ADGRD1: variants seen among roughly 807,000 people sequenced by gnomAD.
The protein encoded by ADGRD1 is G-protein coupled receptor 133.
ADGRD1 carries 77 observed loss-of-function variants against 113.4 expected under a neutral mutation model. The ratio of observed to expected loss-of-function variants is 0.68; its 90% CI spans 0.57 to 0.82. The LOEUF (loss-of-function observed/expected upper bound fraction) is 0.82, where lower values mean the gene tolerates loss of function less well. Ranked by LOEUF, ADGRD1 falls within the 40% of genes least tolerant of loss-of-function variation. The probability of loss-of-function intolerance (pLI) is 0.00; values close to 1 mark genes in which losing one functional copy is unlikely to be tolerated. For synonymous variants in ADGRD1, 474 were observed against 475.0 expected, an observed-to-expected ratio of 1.00 and a Z score of 0.03; for missense variants, 1,036 against 1,139.1, an observed-to-expected ratio of 0.91 and a Z score of 1.30.
At position 131,118,448 on chromosome 12, in the gene ADGRD1, A is replaced by G. The variant is rs760741358; in HGVS notation, c.2105A>G (p.Asn702Ser). ...SFAMDSYGTSNNCWLSLASGA... is the reference protein window; with the variant it reads ...SFAMDSYGTSSNCWLSLASGA... ...GCCATGGACAGTTACGGAACAAGCA[A>G]CAAGTAAGTGCAGGGCTTTGCCTTG... The change falls in exon 19 of 25, where the codon AAC becomes AGC. Residue 702 changes from asparagine to serine, a missense_variant. Coordinates refer to ENST00000261654, the MANE Select transcript of ADGRD1 (RefSeq NM_198827.5). 2 of 1,610,044 alleles carry G rather than the reference A, an allele frequency of 1.2e-6. No individual in the cohort carries two copies. Among genetic ancestry groups the G allele is most frequent in the Non-Finnish European group, 8.5e-7 (1 of 1,178,200 alleles).
At chr12:131,077,849 CGCCTCTCAAAGT>C (rs987280381) in intron 14 of ADGRD1, among the ~76,000 whole-genome samples, 4 of 152,174 alleles carry the variant, frequency 2.6e-5, no homozygotes, top group Non-Finnish European at 4.4e-5. Context: ...GCAATCCTTC[CGCCTCTCAAAGT>C]GCCTCTCAAA....
In ADGRD1 at chr12:131,101,373, C is replaced by CT. The variant is rs796951608; in HGVS notation, c.1672-3455dup. Among the ~76,000 whole-genome samples, 133 of 79,306 alleles carry CT rather than the reference C, an allele frequency of 1.7e-3. 9 individuals carry two copies. The highest frequency in any genetic ancestry group is 3.3e-3 in the East Asian group (11 of 3,284). The allele number at this position is 79,306 out of a possible 152,430, so 52.0% of individuals were successfully genotyped here. On this transcript the variant is annotated intron_variant, in intron 15 of 24. Coordinates refer to ENST00000261654, the MANE Select transcript of ADGRD1 (RefSeq NM_198827.5). ...TCTTTTATTTTTTTTCTTTTTCTTT[C>CT]TTTCTTTTTTTTTTTTTTTTTTTTT...
chr12:131,078,873 AG>A (rs1270093791), intron 14 of ADGRD1, among the ~76,000 whole-genome samples: 1 of 152,156 alleles, frequency 6.6e-6, no homozygotes, highest in Non-Finnish European at 1.5e-5. Flanking sequence ...ATTGATATTC[AG>A]AAAAATCCAC....
chr12:131,011,998 C>T (rs1309372844), intron 12 of ADGRD1, among the ~76,000 whole-genome samples: 1 of 152,186 alleles, frequency 6.6e-6, no homozygotes, highest in Non-Finnish European at 1.5e-5. Context: ...AGCCCACCCT[C>T]ACTTTCTGCG....
intron 13 of ADGRD1, among the ~76,000 whole-genome samples, chr12:131,034,831 G>T (rs1266159868): frequency 6.6e-6 from 1 of 152,086 alleles, no homozygotes; most frequent in African/African-American, 2.4e-5. Flanking sequence ...TCACTGCACC[G>T]GCTCCCGCTC....
chr12:131,029,880 G>GGTT (rs1880455826), intron 13 of ADGRD1, among the ~76,000 whole-genome samples: 1 of 139,258 alleles, frequency 7.2e-6, no homozygotes, highest in African/African-American at 2.7e-5. Context: ...CAGGCTCTGG[G>GGTT]ATTAGGTTGT....
chr12:131,000,747 C>CAAAAA (rs371823726), intron 9 of ADGRD1, among the ~76,000 whole-genome samples: 2 of 112,638 alleles, frequency 1.8e-5, no homozygotes, highest in Admixed American at 1.0e-4. Flanking sequence ...TCTCAAAAAA[C>CAAAAA]AAAAAAAAAA....
At chr12:130,997,264 GC>G (rs1017077582) in intron 8 of ADGRD1, among the ~76,000 whole-genome samples, 7 of 144,152 alleles carry the variant, frequency 4.9e-5, no homozygotes, top group African/African-American at 1.8e-4. Context: ...GGGCAGAGGC[GC>G]CCGTCACCTC....
chr12:130,992,094 C>G (rs1330378860), intron 7 of ADGRD1, 143 bp from the exon 8 acceptor site: 1 of 630,122 alleles, frequency 1.6e-6, no homozygotes, highest in South Asian at 2.2e-5. Flanking sequence ...GCACTCCAGC[C>G]TGGGCAACAG....
In ADGRD1 at chr12:131,027,337, G is replaced by A. The variant is rs1880081002; in HGVS notation, c.1473+12997G>A. The A allele has an allele frequency of 6.6e-6, 1 of 152,082 alleles. No homozygotes were observed. The highest frequency in any genetic ancestry group is 2.1e-4 in the South Asian group (1 of 4,810). 9.4% of individuals were successfully genotyped at this position (152,082 alleles called of 1,614,324 possible). ...GTGTGCACACAATTTTATATAAATG[G>A]GGTTCTGCTATCCGTGCCGTTTCGC... is the stretch of plus-strand genomic sequence containing the variant. On this transcript the variant is annotated intron_variant, in intron 13 of 24. Transcript: ENST00000261654. This position sits in a 1 kb window ranked among gnomAD's most constrained non-coding sequence, Gnocchi z 5.1.
rs898791292 is a variant in ADGRD1 at position 131,084,873 on chromosome 12, T to A, written c.1671+210T>A. On this transcript the variant is annotated intron_variant, in intron 15 of 24. Coordinates refer to ENST00000261654, the MANE Select transcript of ADGRD1 (RefSeq NM_198827.5). This position sits in a 1 kb window ranked among gnomAD's most constrained non-coding sequence, Gnocchi z 4.5. Reference sequence around the variant, plus strand: ...TGCCAGCAAATATCCGAGGAGCCCATGATTGTGTAAATCGAGTCCAGTGTG... The same window carrying A: ...TGCCAGCAAATATCCGAGGAGCCCAAGATTGTGTAAATCGAGTCCAGTGTG... Among the ~76,000 whole-genome samples the A allele has an allele frequency of 6.6e-6, 1 of 152,208 alleles. No homozygotes were observed. The highest frequency in any genetic ancestry group is 1.5e-5 in the Non-Finnish European group (1 of 68,030).
intron 12 of ADGRD1, among the ~76,000 whole-genome samples, 189 bp from the exon 13 acceptor site, chr12:131,014,010 C>T (rs765978438): frequency 6.6e-6 from 1 of 152,176 alleles, no homozygotes; most frequent in Non-Finnish European, 1.5e-5. Context: ...TAGTTGAACT[C>T]GCCTGCAGGT....
chr12:130,990,827 C>T (rs748854785), intron 6 of ADGRD1, 187 bp from the exon 7 acceptor site: 21 of 526,484 alleles, frequency 4.0e-5, no homozygotes, highest in Admixed American at 2.8e-4. Flanking sequence ...CTGGGAAAAT[C>T]TATACGGTCG....
intron 21 of ADGRD1, among the ~76,000 whole-genome samples, chr12:131,132,577 T>C (rs1593272386): frequency 1.3e-5 from 2 of 152,186 alleles, no homozygotes; most frequent in Admixed American, 1.3e-4. Flanking sequence ...CAGGCCGAGG[T>C]CGACTCTGCC....
intron 13 of ADGRD1, among the ~76,000 whole-genome samples, chr12:131,068,979 C>T (rs1418843460): frequency 6.6e-6 from 1 of 152,216 alleles, no homozygotes. Context: ...AGCACAGCAG[C>T]TATATGGATT....
At position 131,029,539 on chromosome 12, in the gene ADGRD1, CG is replaced by C. The variant is rs1455252378; in HGVS notation, c.1473+15200del. 7.4e-5 allele frequency among the ~76,000 whole-genome samples: 11 copies of C among 147,900 alleles called. No homozygotes were observed. The East Asian group carries it at 2.0e-3, about 27-fold the overall frequency. ...CTCTGGGATTAGGTTGTGGACCCCT[CG>C]TTCGGTGACATTCCCAGGCTCTGGG... is the stretch of plus-strand genomic sequence containing the variant. On this transcript the variant is annotated intron_variant, in intron 13 of 24. Coordinates refer to ENST00000261654, the MANE Select transcript of ADGRD1 (RefSeq NM_198827.5).
intron 15 of ADGRD1, among the ~76,000 whole-genome samples, chr12:131,093,833 C>T (rs2137264202): frequency 6.6e-6 from 1 of 152,366 alleles, no homozygotes; most frequent in South Asian, 2.1e-4. Context: ...CAGGTGCCTG[C>T]TCTGAGCCTC....
At position 131,072,313 on chromosome 12, in the gene ADGRD1, C is replaced by A. The variant is rs34730631; in HGVS notation, c.1474-4488C>A. On this transcript the variant is annotated intron_variant, in intron 13 of 24. Coordinates refer to ENST00000261654, the MANE Select transcript of ADGRD1 (RefSeq NM_198827.5). ...GTCTCTTACCAGACCAGCATCCCAC[C>A]TTGACGATGAACAGACAGCAAACTG... Among the ~76,000 whole-genome samples the A allele has an allele frequency of 1.3e-3, 199 of 152,280 alleles. 1 individual carries two copies. Among genetic ancestry groups the A allele is most frequent in the Middle Eastern group, 0.01 (3 of 294 alleles).
rs187031406 is a variant in ADGRD1 at position 131,070,959 on chromosome 12, G to A, written c.1474-5842G>A. 7.3e-5 allele frequency: 38 copies of A among 518,688 alleles called. No homozygotes were observed. In the East Asian group the frequency reaches 1.9e-3, roughly 25 times the overall value. The allele number at this position is 518,688 out of a possible 1,614,324, so 32.1% of individuals were successfully genotyped here. ...GAGTGGGCCTGAGAAGGGGCTGTGG[G>A]CTGCACCATCAGGGGAATGTAAGAG... On this transcript the variant is annotated intron_variant, in intron 13 of 24. Transcript: ENST00000261654.
Sources: gnomAD v4.1 joint callset for allele counts (sites outside exome capture counted in the v4.1 genomes callset) on GRCh38, gnomAD v4.1.1 for gene constraint, Gnocchi (gnomAD v3.1) non-coding constraint, MANE v1.5 for transcripts, NCBI Gene and HGNC (gene_info 2026-07-23, HGNC 2026-07-21) for gene names.